Variants in FHOD3 observed in about 807,000 individuals in gnomAD.
FHOD3 encodes FH1/FH2 domain-containing protein 3.
A neutral mutation model predicts 173.0 loss-of-function variants in FHOD3; 90 were observed. That is an observed-to-expected ratio of 0.52 (90% CI 0.44 to 0.62). The LOEUF is 0.62. FHOD3 is among the 20% of genes least tolerant of loss of function. The pLI is 0.00. For synonymous variants in FHOD3, 828 were observed against 823.0 expected, an observed-to-expected ratio of 1.01 and a Z score of -0.10; for missense variants, 1,945 against 2,034.7, an observed-to-expected ratio of 0.96 and a Z score of 0.85.
At chr18:36,747,191 T>C (rs1600534582) in intron 24 of FHOD3, 56 bp downstream of exon 24, 3 of 1,407,546 alleles carry the variant, frequency 2.1e-6, no homozygotes, top group East Asian at 4.8e-5. Context: ...TTGAAAAATT[T>C]GTACTGGAAA....
At position 36,379,319 on chromosome 18, in the gene FHOD3, A is replaced by G. The variant is rs73417094; in HGVS notation, c.337+6575A>G. Among the ~76,000 whole-genome samples, 855 of 152,308 alleles carry G rather than the reference A, an allele frequency of 5.6e-3. 8 individuals are homozygous for G. The highest frequency in any genetic ancestry group is 0.019 in the African/African-American group (804 of 41,544). On this transcript the variant is annotated intron_variant, in intron 3 of 28. Transcript: ENST00000590592. ...AATTGAATCACAGGAAAGAAAGCAGATATCTCAGGGTCTCTTACGACAGCT... is the reference window on the plus strand; with the variant it reads ...AATTGAATCACAGGAAAGAAAGCAGGTATCTCAGGGTCTCTTACGACAGCT...
At chr18:36,742,968 G>T (rs2041973812) in intron 22 of FHOD3, 112 bp downstream of exon 22, 1 of 1,402,424 alleles carries the variant, frequency 7.1e-7, no homozygotes, top group Non-Finnish European at 9.7e-7. Context: ...TGGAACAAAT[G>T]ACTTTTGTGT....
chr18:36,324,501 T>C lies in FHOD3; in HGVS notation c.165+26501T>C, dbSNP rs529845599. Among the ~76,000 whole-genome samples, 1,023 of 152,292 alleles carry C rather than the reference T, an allele frequency of 6.7e-3. 6 individuals are homozygous for C. Among genetic ancestry groups the C allele is most frequent in the Non-Finnish European group, 0.012 (813 of 68,018 alleles). On this transcript the variant is annotated intron_variant, in intron 1 of 28. Coordinates refer to ENST00000590592, the MANE Select transcript of FHOD3 (RefSeq NM_001281740.3). ...TCTCTTTGTGTGTGTAAATATTCAA[T>C]AAAGGACTCATATTCAAAATATATA...
intron 5 of FHOD3, among the ~76,000 whole-genome samples, chr18:36,518,628 T>C (rs2056116217): frequency 6.6e-6 from 1 of 152,120 alleles, no homozygotes; most frequent in South Asian, 2.1e-4. Flanking sequence ...GGTTTAAAGA[T>C]TGTGAATTAT....
chr18:36,740,682 T>A lies in FHOD3; in HGVS notation c.3603T>A (p.Asp1201Glu), dbSNP rs2041861088. Residue 1201 changes from aspartate (D) to glutamate (E), a missense_variant, in exon 21 of 29, where the codon GAT (aspartate) becomes GAA (glutamate). Physicochemically the swap from Asp to Glu is conservative, Grantham distance 45. This residue lies in a region of FHOD3 where 231 missense variants were observed against 321.9 expected (regional missense o/e 0.72). Coordinates refer to ENST00000590592, the MANE Select transcript of FHOD3 (RefSeq NM_001281740.3). The part of the protein sequence containing the change: ...IEKILTMIPT[D>E]EEKQKIQEAQ... ...AAATTCTAACGATGATTCCCACCGA[T>A]GAGGAGAAGCAGAAAATCCAGGAAG... The A allele has an allele frequency of 6.2e-7, 1 of 1,613,866 alleles. No homozygotes were observed. The highest frequency in any genetic ancestry group is 8.5e-7 in the Non-Finnish European group (1 of 1,179,980).
chr18:36,448,433 GC>G (rs2051626034), intron 3 of FHOD3, among the ~76,000 whole-genome samples: 1 of 152,062 alleles, frequency 6.6e-6, no homozygotes, highest in African/African-American at 2.4e-5. Context: ...TATTCTGCAG[GC>G]CCCCACCAGC....
In FHOD3 at chr18:36,697,135, G is replaced by A. The variant is rs1462868952; in HGVS notation, c.2236+3712G>A. 2.6e-5 allele frequency among the ~76,000 whole-genome samples: 4 copies of A among 152,178 alleles called. No homozygotes were observed. In the East Asian group the frequency reaches 7.7e-4, roughly 29 times the overall value. ...AATAATCTGTGTACCCATAAGTAAA[G>A]TCAAGATAGCCAGATAACCTCTTAT... On this transcript the variant is annotated intron_variant, in intron 17 of 28. Coordinates refer to ENST00000590592, the MANE Select transcript of FHOD3 (RefSeq NM_001281740.3).
chr18:36,461,280 T>A (rs1043607023), intron 3 of FHOD3, among the ~76,000 whole-genome samples: 8 of 152,190 alleles, frequency 5.3e-5, no homozygotes, highest in Non-Finnish European at 1.2e-4. Flanking sequence ...CCTCACTTGT[T>A]CCTGAAGGGA....
intron 17 of FHOD3, among the ~76,000 whole-genome samples, chr18:36,693,687 A>C (rs1217509925): frequency 6.6e-6 from 1 of 152,228 alleles, no homozygotes; most frequent in Non-Finnish European, 1.5e-5. Context: ...AATAAGCTTT[A>C]CTTTAACATT....
intron 1 of FHOD3, among the ~76,000 whole-genome samples, chr18:36,310,021 C>G (rs2072809932): frequency 6.6e-6 from 1 of 152,224 alleles, no homozygotes; most frequent in African/African-American, 2.4e-5. Context: ...AAAATGAACT[C>G]AGCACATGGC....
At chr18:36,718,760 G>T in intron 19 of FHOD3, 45 bp downstream of exon 19, 1 of 1,579,782 alleles carries the variant, frequency 6.3e-7, no homozygotes, top group South Asian at 1.2e-5. Context: ...AGTTGGGTAG[G>T]GCTGAAGAGA....
At chr18:36,655,748 C>A (rs961866043) in intron 13 of FHOD3, among the ~76,000 whole-genome samples, 14 of 73,608 alleles carry the variant, frequency 1.9e-4, no homozygotes, top group Admixed American at 1.7e-3. Flanking sequence ...TCACCCTCCA[C>A]ACACACACAC....
At chr18:36,300,768 C>T (rs1368458863) in intron 1 of FHOD3, among the ~76,000 whole-genome samples, 2 of 151,850 alleles carry the variant, frequency 1.3e-5, no homozygotes, top group Non-Finnish European at 2.9e-5. Context: ...GACAGGGTCT[C>T]ACTCTTGTCA....
At chr18:36,618,975 G>A (rs1483491913) in intron 9 of FHOD3, among the ~76,000 whole-genome samples, 2 of 152,100 alleles carry the variant, frequency 1.3e-5, no homozygotes, top group Non-Finnish European at 2.9e-5. Context: ...CTCTGTCTGT[G>A]TTGTCTGTCT....
chr18:36,754,706 TCTAGAAATGGTGCAATA>T (rs2042548728), intron 24 of FHOD3, among the ~76,000 whole-genome samples: 1 of 151,998 alleles, frequency 6.6e-6, no homozygotes, highest in African/African-American at 2.4e-5. Flanking sequence ...TGTCATATAA[TCTAGAAATGGTGCAATA>T]CTTTTCGAAA....
intron 10 of FHOD3, among the ~76,000 whole-genome samples, chr18:36,634,551 A>G (rs558616100): frequency 2.7e-3 from 411 of 152,244 alleles, no homozygotes; most frequent in Non-Finnish European, 4.4e-3. Context: ...AGCAAAAGAC[A>G]TACTGTGAGA....
rs145673423 is a variant in FHOD3, at chr18:36,371,373, A to G, written c.273-1307A>G. The stretch of plus-strand genomic sequence containing the variant: ...TCCTCATTGCTGGGGAGGCCTCACA[A>G]TTATGGTGGAAGGTGAAGGAAGAGC... On this transcript the variant is annotated intron_variant, in intron 2 of 28. Coordinates refer to ENST00000590592, the MANE Select transcript of FHOD3 (RefSeq NM_001281740.3). Among the ~76,000 whole-genome samples the G allele has an allele frequency of 6.1e-3, 930 of 152,332 alleles. 8 individuals are homozygous for G. The highest frequency in any genetic ancestry group is 0.021 in the African/African-American group (881 of 41,578).
chr18:36,387,866 A>G (rs1433166502), intron 3 of FHOD3, among the ~76,000 whole-genome samples: 1 of 151,942 alleles, frequency 6.6e-6, no homozygotes, highest in Non-Finnish European at 1.5e-5. Flanking sequence ...CCTGCTTGCC[A>G]GTGAGACTGT....
At chr18:36,603,816 T>A (rs1404099382) in intron 8 of FHOD3, among the ~76,000 whole-genome samples, 2 of 152,212 alleles carry the variant, frequency 1.3e-5, no homozygotes, top group African/African-American at 4.8e-5. Flanking sequence ...AATTATTTTT[T>A]AAAATCATTT....
Sources: allele counts gnomAD v4.1 joint callset (sites outside exome capture counted in the v4.1 genomes callset), GRCh38; gene constraint gnomAD v4.1.1; regional missense constraint gnomAD v4.1.1; transcripts MANE v1.5; gene names NCBI Gene and HGNC (gene_info 2026-07-23, HGNC 2026-07-21).